TRAF7: variants seen among roughly 807,000 people sequenced by gnomAD.
TRAF7 encodes the protein E3 ubiquitin-protein ligase TRAF7.
TRAF7 carries 45 observed loss-of-function variants against 89.3 expected under a neutral mutation model. The observed-to-expected ratio is 0.50, with a 90% CI of 0.40 to 0.65. The LOEUF (loss-of-function observed/expected upper bound fraction) is 0.65, where lower values mean the gene tolerates loss of function less well. Ranked by LOEUF, TRAF7 falls within the 30% of genes least tolerant of loss-of-function variation. The probability of loss-of-function intolerance (pLI) is 0.00; values close to 1 mark genes in which losing one functional copy is unlikely to be tolerated. For synonymous variants in TRAF7, 406 were observed against 369.2 expected (o/e 1.10, Z -1.14); for missense variants, 677 against 918.1 (o/e 0.74, Z 3.39).
chr16:2,173,835 C>A lies in TRAF7; in HGVS notation c.1134C>A (p.Gly378=), dbSNP rs1179018929. 1 of 1,611,088 alleles carries A rather than the reference C, an allele frequency of 6.2e-7. No homozygotes were observed. Among genetic ancestry groups the A allele is most frequent in the African/African-American group, 1.3e-5 (1 of 74,860 alleles). The change falls in exon 12 of 21, where the codon GGC becomes GGA. Residue 378 remains glycine (G), a splice_region_variant and synonymous_variant. Transcript: ENST00000326181. The part of the protein sequence containing the change: ...INARLNMGIL[G]SYDPQQIFKC... ...CGCGGCTGAACATGGGCATCCTAGG[C>A]TGTGAGTATGGACCCGCCGTGGCTC... is the stretch of plus-strand genomic sequence containing the variant.
At position 2,171,438 on chromosome 16, in the gene TRAF7, C is replaced by T. The variant is rs375722436; in HGVS notation, c.441+82C>T. ...GGGCTCTCGGGGGCCGGGGCTGTGG[C>T]GCCCTGGCCTTGGTCAAGGCCTGTC... On this transcript the variant is annotated intron_variant, in intron 6 of 20. Transcript: ENST00000326181. 9.3e-5 allele frequency: 142 copies of T among 1,529,798 alleles called. No homozygotes were observed. In the African/African-American group the frequency reaches 1.4e-3, roughly 15 times the overall value. The allele number at this position is 1,529,798 out of a possible 1,614,324, so 94.8% of individuals were successfully genotyped here. A position where few individuals can be genotyped will look rare whatever the true frequency, so the allele number is the denominator to read the frequency against.
Position 2,159,432 on chromosome 16 carries a change from T to G in TRAF7, c.-39+3574T>G, listed in dbSNP as rs866990617. 6.6e-5 allele frequency among the ~76,000 whole-genome samples: 10 copies of G among 152,220 alleles called. No individual in the cohort carries two copies. The highest frequency in any genetic ancestry group is 3.4e-3 in the Middle Eastern group (1 of 294). ...CCTTCGACGTCACACCCTGCCTATTTGGGATGGAAAAAACGTTCTAAGGGA... is the reference window on the plus strand; with the variant it reads ...CCTTCGACGTCACACCCTGCCTATTGGGGATGGAAAAAACGTTCTAAGGGA... On this transcript the variant is annotated intron_variant, in intron 1 of 20. Transcript: ENST00000326181. The surrounding 1 kb of genome is among the most constrained non-coding windows in gnomAD (Gnocchi z 6.5).
chr16:2,176,025 C>T (rs758285757), intron 18 of TRAF7, 24 bp from the exon 19 acceptor site: 4 of 1,608,180 alleles, frequency 2.5e-6, no homozygotes, highest in Non-Finnish European at 2.5e-6. Context: ...GTGTCTTTGA[C>T]CTGCCTGTGC....
In TRAF7 at chr16:2,178,037, TTAAA is replaced by T. The variant is rs1404855958; in HGVS notation, c.*1466_*1469del. 1.5e-5 allele frequency: 7 copies of T among 454,148 alleles called. No individual in the cohort carries two copies. 28.1% of individuals were successfully genotyped at this position (454,148 alleles called of 1,614,324 possible). On this transcript the variant is annotated 3_prime_UTR_variant, in exon 21 of 21. Transcript: ENST00000326181. ...TATAGAATCAATAATATTTCTTTCT[TTAAA>T]TATATATTTGTTAAAGTTATACCTT...
Position 2,162,015 on chromosome 16 carries a change from C to A in TRAF7, c.-38-1868C>A, listed in dbSNP as rs570812986. On this transcript the variant is annotated intron_variant, in intron 1 of 20. Transcript: ENST00000326181. This position sits in a 1 kb window ranked among gnomAD's most constrained non-coding sequence, Gnocchi z 5.0. Reference sequence around the variant, plus strand: ...CTAGTCTGGGTCACACAGGGCCAAGCCCCTCGAGTCGCAGTGGGGCCTGGG... The same window carrying A: ...CTAGTCTGGGTCACACAGGGCCAAGACCCTCGAGTCGCAGTGGGGCCTGGG... Among the ~76,000 whole-genome samples, 1 of 152,328 alleles carries A rather than the reference C, an allele frequency of 6.6e-6. No homozygotes were observed. The highest frequency in any genetic ancestry group is 1.9e-4 in the East Asian group (1 of 5,168).
chr16:2,172,787 G>T (rs1203278230), intron 9 of TRAF7, among the ~76,000 whole-genome samples, 188 bp downstream of exon 9: 3 of 152,122 alleles, frequency 2.0e-5, no homozygotes, highest in African/African-American at 7.2e-5. Flanking sequence ...CAGGAAGGCG[G>T]GCGTGGACGC....
intron 1 of TRAF7, among the ~76,000 whole-genome samples, chr16:2,157,796 C>T (rs2093041355): frequency 6.6e-6 from 1 of 152,080 alleles, no homozygotes; most frequent in Middle Eastern, 3.2e-3. Context: ...TGTGTGGCAG[C>T]CGTGGACGAA....
intron 9 of TRAF7, 71 bp downstream of exon 9, chr16:2,172,670 C>G: frequency 1.4e-5 from 21 of 1,485,720 alleles, no homozygotes; most frequent in Non-Finnish European, 1.9e-5. Flanking sequence ...GAGAGCTGCC[C>G]GCTTGCTGGT....
At chr16:2,172,635 G>GGGGGGGGGGGGGC in intron 9 of TRAF7, 36 bp downstream of exon 9, 3 of 1,273,314 alleles carry the variant, frequency 2.4e-6, no homozygotes, top group Non-Finnish European at 3.3e-6. Flanking sequence ...GCCGGGGTGG[G>GGGGGGGGGGGGGC]CGCAGGCCCT....
intron 5 of TRAF7, 105 bp from the exon 6 acceptor site, chr16:2,171,159 C>A: frequency 2.2e-6 from 2 of 913,202 alleles, no homozygotes; most frequent in South Asian, 1.5e-5. Context: ...GTGACCCTGT[C>A]CTCAGAGGAC....
chr16:2,173,981 T>C lies in TRAF7; in HGVS notation c.1196T>C (p.Val399Ala), dbSNP rs2093124834. 6.2e-7 allele frequency: 1 copy of C among 1,613,486 alleles called. No homozygotes were observed. Among genetic ancestry groups the C allele is most frequent in the Non-Finnish European group, 8.5e-7 (1 of 1,179,898 alleles). The change falls in exon 13 of 21, where the codon GTG becomes GCG. Residue 399 changes from valine to alanine, a missense_variant. Physicochemically the swap from Val to Ala is moderately conservative, Grantham distance 64 (BLOSUM62 0). Transcript: ENST00000326181. ...ACCTTTGTGGGCCACCAGGGCCCTG[T>C]GTGGTGTCTCTGCGTCTACTCCATG... is the stretch of plus-strand genomic sequence containing the variant. ...KGTFVGHQGPVWCLCVYSMGD... is the reference protein window; with the variant it reads ...KGTFVGHQGPAWCLCVYSMGD...
rs2093123570 is a variant in TRAF7, at chr16:2,173,810, C to A, written c.1109C>A (p.Ala370Glu). The change falls in exon 12 of 21, where the codon GCG (alanine) becomes GAG (glutamate). Residue 370 changes from alanine (A) to glutamate (E), a missense_variant. Transcript: ENST00000326181. Reference sequence around the variant, plus strand: ...CAGGACGAGCTGTCCCACATCAACGCGCGGCTGAACATGGGCATCCTAGGC... The same window carrying A: ...CAGGACGAGCTGTCCCACATCAACGAGCGGCTGAACATGGGCATCCTAGGC... ...MLNDELSHIN[A>E]RLNMGILGSY... 1 of 1,610,766 alleles carries A rather than the reference C, an allele frequency of 6.2e-7. No individual in the cohort carries two copies. The highest frequency in any genetic ancestry group is 1.3e-5 in the African/African-American group (1 of 74,962).
At chr16:2,164,977 G>T (rs2093077310) in intron 2 of TRAF7, among the ~76,000 whole-genome samples, 1 of 92,664 alleles carries the variant, frequency 1.1e-5, no homozygotes. Context: ...TGGTCGCATG[G>T]TTAAGCGTGT....
At position 2,163,828 on chromosome 16, in the gene TRAF7, C is replaced by A; in HGVS notation, c.-38-55C>A. 2 of 1,193,912 alleles carry A rather than the reference C, an allele frequency of 1.7e-6. No individual in the cohort carries two copies. The highest frequency in any genetic ancestry group is 2.4e-6 in the Non-Finnish European group (2 of 820,920). 74.0% of individuals were successfully genotyped at this position (1,193,912 alleles called of 1,614,324 possible). ...TGCACACTTGCAGCAGCCCGTCTGA[C>A]TCACAGGGGCCTGGGCTCCATCTCT... On this transcript the variant is annotated intron_variant, in intron 1 of 20. Coordinates refer to ENST00000326181, the MANE Select transcript of TRAF7 (RefSeq NM_032271.3). The surrounding 1 kb of genome is among the most constrained non-coding windows in gnomAD (Gnocchi z 4.3).
At chr16:2,160,347 C>T (rs1159852212) in intron 1 of TRAF7, among the ~76,000 whole-genome samples, 1 of 151,954 alleles carries the variant, frequency 6.6e-6, no homozygotes, top group Non-Finnish European at 1.5e-5. Context: ...GTGGATGCTG[C>T]GCTTCCTCAA....
chr16:2,156,527 C>G (rs1341673419), intron 1 of TRAF7, among the ~76,000 whole-genome samples: 1 of 151,930 alleles, frequency 6.6e-6, no homozygotes, highest in Non-Finnish European at 1.5e-5. Context: ...GAGTACTGGC[C>G]GGGGGTAGGG....
Position 2,162,470 on chromosome 16 carries a change from A to G in TRAF7, c.-38-1413A>G, listed in dbSNP as rs1391282395. Among the ~76,000 whole-genome samples the G allele has an allele frequency of 1.3e-5, 2 of 152,078 alleles. No homozygotes were observed. The highest frequency in any genetic ancestry group is 4.8e-5 in the African/African-American group (2 of 41,434). On this transcript the variant is annotated intron_variant, in intron 1 of 20. Transcript: ENST00000326181. The surrounding 1 kb of genome is among the most constrained non-coding windows in gnomAD (Gnocchi z 5.0). ...GAGGGACTGATGGAGGAGGTACTGG[A>G]GCCAGCTGGGCTCAGTGATGCCCCC... is the stretch of plus-strand genomic sequence containing the variant.
intron 2 of TRAF7, 59 bp from the exon 3 acceptor site, chr16:2,165,820 A>ATG (rs757687915): frequency 2.5e-6 from 4 of 1,606,092 alleles, no homozygotes; most frequent in Non-Finnish European, 3.4e-6. Context: ...TGGGCTCCAC[A>ATG]TGTGCACGTC....
chr16:2,173,057 T>C (rs1596677758), intron 9 of TRAF7, 125 bp from the exon 10 acceptor site: 5 of 786,696 alleles, frequency 6.4e-6, no homozygotes, highest in African/African-American at 1.9e-5. Flanking sequence ...GGACGGCAGG[T>C]GTGGGTGGGG....
Sources: allele counts gnomAD v4.1 joint callset (sites outside exome capture counted in the v4.1 genomes callset), GRCh38; gene constraint gnomAD v4.1.1; non-coding constraint Gnocchi (gnomAD v3.1); transcripts MANE v1.5; gene names NCBI Gene and HGNC (gene_info 2026-07-23, HGNC 2026-07-21).